The following SLC24A3 variants were observed in gnomAD, a reference collection of about 807,000 sequenced individuals.
SLC24A3 encodes solute carrier family 24 member 3, also known as sodium/potassium/calcium exchanger 3.
A neutral mutation model predicts 75.8 loss-of-function variants in SLC24A3; 28 were observed. That is an observed-to-expected ratio of 0.37 (90% CI 0.27 to 0.51). SLC24A3 has a LOEUF of 0.51. Ranked by LOEUF, SLC24A3 falls within the 20% of genes least tolerant of loss-of-function variation. The pLI, the probability that SLC24A3 is intolerant of heterozygous loss-of-function variation, is 0.94. For missense variants in SLC24A3, 663 were observed against 847.8 expected, an observed-to-expected ratio of 0.78 and a Z score of 2.71; for synonymous variants, 372 against 334.1, an observed-to-expected ratio of 1.11 and a Z score of -1.24.
chr20:19,552,895 G>C lies in SLC24A3; in HGVS notation c.349-27105G>C, dbSNP rs945008398. 2.0e-5 allele frequency among the ~76,000 whole-genome samples: 3 copies of C among 152,118 alleles called. No homozygotes were observed. In the South Asian group the frequency reaches 6.2e-4, roughly 32 times the overall value. ...TTGCTTCATCAGAGGAAAGGGGAGG[G>C]GGCCACGATCTGTAAACCACAACCA... On this transcript the variant is annotated intron_variant, in intron 3 of 16. Transcript: ENST00000328041.
intron 6 of SLC24A3, among the ~76,000 whole-genome samples, chr20:19,617,491 A>G (rs1447690392): frequency 6.6e-6 from 1 of 152,132 alleles, no homozygotes; most frequent in African/African-American, 2.4e-5. Context: ...TGAGGTGTCC[A>G]TTGGAGCTGG....
intron 3 of SLC24A3, among the ~76,000 whole-genome samples, chr20:19,550,673 A>G (rs1416181424): frequency 6.6e-6 from 1 of 152,218 alleles, no homozygotes; most frequent in African/African-American, 2.4e-5. Flanking sequence ...GCCTTTGCAT[A>G]TCTGTGGCCT....
At chr20:19,589,771 C>T (rs578108269) in intron 6 of SLC24A3, among the ~76,000 whole-genome samples, 16 of 152,052 alleles carry the variant, frequency 1.1e-4, no homozygotes, top group African/African-American at 3.1e-4. Context: ...AAAATATTTG[C>T]GGAAATACAC....
intron 2 of SLC24A3, among the ~76,000 whole-genome samples, chr20:19,496,751 C>T (rs78957920): frequency 0.056 from 8,561 of 152,080 alleles, 360 homozygotes; most frequent in South Asian, 0.077. Context: ...TCAGCACAAC[C>T]GAGCCCTGGG....
intron 2 of SLC24A3, among the ~76,000 whole-genome samples, chr20:19,326,586 T>C (rs1258210066): frequency 6.6e-6 from 1 of 150,708 alleles, no homozygotes; most frequent in East Asian, 1.9e-4. Flanking sequence ...TCTTTTTTTT[T>C]TTTTTTCTTG....
chr20:19,563,058 G>A (rs1431174243), intron 3 of SLC24A3, among the ~76,000 whole-genome samples: 1 of 152,080 alleles, frequency 6.6e-6, no homozygotes, highest in Non-Finnish European at 1.5e-5. Flanking sequence ...TAATAAACTG[G>A]AAATATGGTG....
At chr20:19,709,181 G>A (rs944984618) in intron 15 of SLC24A3, among the ~76,000 whole-genome samples, 1 of 151,918 alleles carries the variant, frequency 6.6e-6, no homozygotes, top group Non-Finnish European at 1.5e-5. Context: ...AAGGGAGCTG[G>A]GGGGTTTATT....
chr20:19,533,993 C>CT (rs2030350191), intron 3 of SLC24A3, among the ~76,000 whole-genome samples: 1 of 152,206 alleles, frequency 6.6e-6, no homozygotes, highest in Non-Finnish European at 1.5e-5. Flanking sequence ...AACAGAAGCC[C>CT]TGGGGCAGTG....
At chr20:19,360,595 G>A (rs924194677) in intron 2 of SLC24A3, among the ~76,000 whole-genome samples, 3 of 152,192 alleles carry the variant, frequency 2.0e-5, no homozygotes, top group Admixed American at 2.0e-4. Context: ...GCTTCAATAT[G>A]TAAATGTCTT....
At position 19,722,678 on chromosome 20, in the gene SLC24A3, G is replaced by T. The variant is rs561938489; in HGVS notation, c.*1538G>T. 6.6e-6 allele frequency: 1 copy of T among 152,620 alleles called. No homozygotes were observed. Among genetic ancestry groups the T allele is most frequent in the Non-Finnish European group, 1.5e-5 (1 of 68,044 alleles). 9.5% of individuals were successfully genotyped at this position (152,620 alleles called of 1,614,324 possible). The stretch of plus-strand genomic sequence containing the variant: ...CTTGTACACATTCTGGTATGAATTT[G>T]TAAAAATAACCTGCTACAAATTGGT... On this transcript the variant is annotated 3_prime_UTR_variant, in exon 17 of 17. Transcript: ENST00000328041.
chr20:19,502,401 G>A (rs999074936), intron 2 of SLC24A3, among the ~76,000 whole-genome samples: 3 of 152,148 alleles, frequency 2.0e-5, no homozygotes, highest in Non-Finnish European at 4.4e-5. Flanking sequence ...TATGTCAGCT[G>A]CTGCCTGGCA....
At chr20:19,453,172 T>C (rs1304653365) in intron 2 of SLC24A3, among the ~76,000 whole-genome samples, 3 of 151,874 alleles carry the variant, frequency 2.0e-5, no homozygotes, top group Non-Finnish European at 4.4e-5. Flanking sequence ...AGAGCGAGAC[T>C]CTGCCTCGAA....
chr20:19,325,800 A>ATAT (rs1237052924), intron 2 of SLC24A3, among the ~76,000 whole-genome samples: 1 of 64,030 alleles, frequency 1.6e-5, no homozygotes, highest in African/African-American at 8.0e-5. Flanking sequence ...ATATATAGAG[A>ATAT]GAGAGAGAGA....
intron 2 of SLC24A3, among the ~76,000 whole-genome samples, chr20:19,463,014 C>A (rs191883499): frequency 6.6e-6 from 1 of 152,100 alleles, no homozygotes; most frequent in East Asian, 1.9e-4. Flanking sequence ...CTTCACTGCC[C>A]GGGGTCTGGT....
intron 3 of SLC24A3, among the ~76,000 whole-genome samples, chr20:19,535,437 T>C (rs947907436): frequency 5.3e-5 from 8 of 152,228 alleles, no homozygotes; most frequent in Admixed American, 5.2e-4. Flanking sequence ...TTCACCAGGC[T>C]AGCCAAGTTT....
chr20:19,665,986 T>A (rs2032394761), intron 8 of SLC24A3, 97 bp downstream of exon 8: 1 of 1,348,650 alleles, frequency 7.4e-7, no homozygotes. Flanking sequence ...GAAAGGGAAG[T>A]GTCATGACAG....
At chr20:19,487,984 A>T (rs1450850076) in intron 2 of SLC24A3, among the ~76,000 whole-genome samples, 1 of 152,218 alleles carries the variant, frequency 6.6e-6, no homozygotes, top group Non-Finnish European at 1.5e-5. Context: ...TTTGTGGCCA[A>T]ATTGAAAGAT....
chr20:19,371,353 G>C (rs1985989828), intron 2 of SLC24A3, among the ~76,000 whole-genome samples: 1 of 124,164 alleles, frequency 8.1e-6, no homozygotes, highest in South Asian at 2.4e-4. Context: ...AGGCCCAGGA[G>C]GTCTGGGGAT....
intron 7 of SLC24A3, 33 bp from the exon 8 acceptor site, chr20:19,665,831 G>GTC (rs1555805591): frequency 4.3e-6 from 6 of 1,404,676 alleles, no homozygotes; most frequent in Middle Eastern, 1.8e-4. Flanking sequence ...GTGTGTGTGT[G>GTC]TCTAATCTTC....
Sources: allele counts gnomAD v4.1 joint callset (sites outside exome capture counted in the v4.1 genomes callset), GRCh38; gene constraint gnomAD v4.1.1; transcripts MANE v1.5; gene names NCBI Gene and HGNC (gene_info 2026-07-23, HGNC 2026-07-21).